RNF20: variants seen among roughly 807,000 people sequenced by gnomAD.
RNF20 encodes the protein E3 ubiquitin-protein ligase BRE1A.
RNF20 carries 84 observed loss-of-function variants against 126.2 expected under a neutral mutation model. That is an observed-to-expected ratio of 0.67 (90% CI 0.56 to 0.80). The LOEUF is 0.80. Among genes scored for constraint, RNF20 ranks in the 30% least tolerant of loss-of-function variants. The pLI, the probability that RNF20 is intolerant of heterozygous loss-of-function variation, is 0.00. For missense variants in RNF20, 869 were observed against 1,188.2 expected, an observed-to-expected ratio of 0.73 and a Z score of 3.95; for synonymous variants, 400 against 414.3, an observed-to-expected ratio of 0.97 and a Z score of 0.42.
intron 15 of RNF20, among the ~76,000 whole-genome samples, chr9:101,555,188 A>G (rs921578856): frequency 2.6e-5 from 4 of 151,982 alleles, no homozygotes; most frequent in Admixed American, 1.3e-4. Context: ...AAGACATAAG[A>G]TTTTATATAC....
chr9:101,547,634 C>A, intron 9 of RNF20, 116 bp downstream of exon 9: 2 of 1,193,516 alleles, frequency 1.7e-6, no homozygotes, highest in South Asian at 1.5e-5. Flanking sequence ...AGACAAAATC[C>A]AACATCCTTT....
chr9:101,543,583 AGCGGCACTGTCTAACCCTGCCAGG>A lies in RNF20; in HGVS notation c.629-1167_629-1144del, dbSNP rs1474825016. On this transcript the variant is annotated intron_variant, in intron 5 of 19. Transcript: ENST00000389120. Reference sequence around the variant, plus strand: ...AGGGCGGCACTGTCTAACCTGCCAGAGCGGCACTGTCTAACCCTGCCAGGGCGGCACTGTCTAACCTGCCAGGGC... The same window carrying A: ...AGGGCGGCACTGTCTAACCTGCCAGAGCGGCACTGTCTAACCTGCCAGGGC... Among the ~76,000 whole-genome samples, 259 of 109,742 alleles carry A rather than the reference AGCGGCACTGTCTAACCCTGCCAGG, an allele frequency of 2.4e-3. 2 individuals are homozygous for A. Among genetic ancestry groups the A allele is most frequent in the Admixed American group, 0.017 (189 of 11,044 alleles). 72.0% of individuals were successfully genotyped at this position (109,742 alleles called of 152,430 possible).
chr9:101,559,067 G>T (rs1343185127), intron 16 of RNF20, among the ~76,000 whole-genome samples: 1 of 152,092 alleles, frequency 6.6e-6, no homozygotes, highest in East Asian at 1.9e-4. Context: ...ATCTTGAGTT[G>T]ATTTTTGTAT....
At position 101,554,018 on chromosome 9, in the gene RNF20, A is replaced by G; in HGVS notation, c.1932A>G (p.Lys644=). The change falls in exon 14 of 20, where the codon AAA becomes AAG. Residue 644 remains lysine, a synonymous_variant. Transcript: ENST00000389120. ...KKAQESQKEM[K]LLLDMYRSAP... Reference sequence around the variant, plus strand: ...CACAGGAGAGCCAAAAGGAGATGAAACTATTGCTGGATATGTACCGTTCTG... The same window carrying G: ...CACAGGAGAGCCAAAAGGAGATGAAGCTATTGCTGGATATGTACCGTTCTG... The G allele has an allele frequency of 6.2e-7, 1 of 1,613,362 alleles. No homozygotes were observed. The highest frequency in any genetic ancestry group is 1.1e-5 in the South Asian group (1 of 91,030).
chr9:101,545,963 G>A (rs978596619), intron 6 of RNF20, among the ~76,000 whole-genome samples: 1 of 152,108 alleles, frequency 6.6e-6, no homozygotes, highest in African/African-American at 2.4e-5. Flanking sequence ...TCTCCATCAT[G>A]GTAGTCTCAG....
chr9:101,544,722 A>T lies in RNF20; in HGVS notation c.629-45A>T, dbSNP rs188157983. On this transcript the variant is annotated intron_variant, in intron 5 of 19. Transcript: ENST00000389120. The stretch of plus-strand genomic sequence containing the variant: ...ACTCCGTCTTAAAAAAAAAAAAAAA[A>T]TGACACTCTAGATGCTAAATTAAAG... 5 of 1,291,578 alleles carry T rather than the reference A, an allele frequency of 3.9e-6. No individual in the cohort carries two copies. The South Asian group carries it at 4.9e-5, about 13-fold the overall frequency. 80.0% of individuals were successfully genotyped at this position (1,291,578 alleles called of 1,614,324 possible).
At position 101,544,763 on chromosome 9, in the gene RNF20, C is replaced by G. The variant is rs180711110; in HGVS notation, c.629-4C>G. On this transcript the variant is annotated splice_polypyrimidine_tract_variant and splice_region_variant and intron_variant, in intron 5 of 19. Coordinates refer to ENST00000389120, the MANE Select transcript of RNF20 (RefSeq NM_019592.7). ...TAAATTAAAGTATAGTTCTTCTTCCCCAGATAATCTGATAGTGGAGGAAGC... is the reference window on the plus strand; with the variant it reads ...TAAATTAAAGTATAGTTCTTCTTCCGCAGATAATCTGATAGTGGAGGAAGC... The G allele has an allele frequency of 4.6e-4, 725 of 1,576,042 alleles. 1 individual carries two copies. In the African/African-American group the frequency reaches 8.2e-3, roughly 18 times the overall value.
intron 16 of RNF20, 195 bp from the exon 17 acceptor site, chr9:101,560,605 TC>T (rs1827610072): frequency 4.7e-6 from 2 of 422,098 alleles, no homozygotes; most frequent in Non-Finnish European, 8.2e-6. Flanking sequence ...TACTGAATCT[TC>T]CACAATATTT....
At position 101,540,810 on chromosome 9, in the gene RNF20, G is replaced by C. The variant is rs759342177; in HGVS notation, c.463G>C (p.Ala155Pro). 1 of 1,613,828 alleles carries C rather than the reference G, an allele frequency of 6.2e-7. No individual in the cohort carries two copies. Among genetic ancestry groups the C allele is most frequent in the Admixed American group, 1.7e-5 (1 of 60,018 alleles). The change falls in exon 5 of 20, where the codon GCT becomes CCT. Residue 155 changes from alanine (A) to proline (P), a missense_variant. Physicochemically the swap from Ala to Pro is conservative, Grantham distance 27. Transcript: ENST00000389120. ...DRERGEGQEP[A>P]FSFLATLASS... Reference sequence around the variant, plus strand: ...GTCCTCAGGGGAAGGGCAAGAGCCAGCTTTCTCTTTCCTTGCTACTTTGGC... The same window carrying C: ...GTCCTCAGGGGAAGGGCAAGAGCCACCTTTCTCTTTCCTTGCTACTTTGGC...
Position 101,561,093 on chromosome 9 carries a change from A to G in RNF20, c.2512A>G (p.Met838Val). The G allele has an allele frequency of 1.2e-6, 2 of 1,613,674 alleles. No individual in the cohort carries two copies. Among genetic ancestry groups the G allele is most frequent in the Non-Finnish European group, 8.5e-7 (1 of 1,179,754 alleles). The change falls in exon 18 of 20, where the codon ATG becomes GTG. Residue 838 changes from methionine to valine, a missense_variant. Met to Val is a conservative substitution (Grantham distance 21, BLOSUM62 1). Coordinates refer to ENST00000389120, the MANE Select transcript of RNF20 (RefSeq NM_019592.7). ...QALEMNKRKA[M>V]EAAQLADDLK... ...CTTATTTGTACATCCTACATAGGCA[A>G]TGGAGGCAGCCCAGCTTGCAGATGA...
chr9:101,556,236 A>G (rs1202935476), intron 15 of RNF20, among the ~76,000 whole-genome samples: 2 of 152,174 alleles, frequency 1.3e-5, no homozygotes, highest in Admixed American at 6.5e-5. Context: ...TTTAAAGTAC[A>G]TGTGGAGAAG....
chr9:101,551,483 A>G (rs761635960), intron 10 of RNF20, among the ~76,000 whole-genome samples: 1 of 152,120 alleles, frequency 6.6e-6, no homozygotes, highest in Non-Finnish European at 1.5e-5. Context: ...TAGTTCTCCA[A>G]CTAAATTCTA....
chr9:101,560,007 T>C (rs1827599966), intron 16 of RNF20, among the ~76,000 whole-genome samples: 1 of 152,198 alleles, frequency 6.6e-6, no homozygotes, highest in Admixed American at 6.5e-5. Context: ...TTTCAACTTT[T>C]CCTTGTTCAG....
At chr9:101,560,540 A>G (rs1382426566) in intron 16 of RNF20, 1 of 282,722 alleles carries the variant, frequency 3.5e-6, no homozygotes, top group Non-Finnish European at 6.7e-6. Context: ...ATTAGCATGC[A>G]TTCTCTATTT....
At position 101,560,898 on chromosome 9, in the gene RNF20, C is replaced by T. The variant is rs758578005; in HGVS notation, c.2480C>T (p.Thr827Ile). The change falls in exon 17 of 20, where the codon ACC (threonine) becomes ATC (isoleucine). Residue 827 changes from threonine to isoleucine, a missense_variant. Physicochemically the swap from Thr to Ile is moderately conservative, Grantham distance 89. Around this residue, in one of 8 missense-constraint regions of RNF20, gnomAD observed 150 missense variants for 173.7 expected, o/e 0.86. Transcript: ENST00000389120. ...GTGEKELGLR[T>I]QALEMNKRKA... ...GGGGAGAAAGAGCTGGGTCTTAGGA[C>T]CCAAGCCTTAGAGATGAATAAACGC... 2 of 1,612,688 alleles carry T rather than the reference C, an allele frequency of 1.2e-6. No individual in the cohort carries two copies. The highest frequency in any genetic ancestry group is 2.2e-5 in the South Asian group (2 of 90,784).
At chr9:101,549,401 C>T (rs1653948844) in intron 9 of RNF20, among the ~76,000 whole-genome samples, 2 of 152,164 alleles carry the variant, frequency 1.3e-5, no homozygotes, top group African/African-American at 4.8e-5. Context: ...AATACTTTCA[C>T]TAATTTGCTA....
chr9:101,561,276 G>A (rs367570838), intron 18 of RNF20, 46 bp downstream of exon 18: 88 of 1,588,510 alleles, frequency 5.5e-5, no homozygotes, highest in Non-Finnish European at 7.5e-5. Flanking sequence ...TGTTTTCTGA[G>A]GTCGGAAGTG....
chr9:101,547,314 G>A (rs1827366941), intron 8 of RNF20, 85 bp from the exon 9 acceptor site: 2 of 1,603,342 alleles, frequency 1.2e-6, no homozygotes, highest in Non-Finnish European at 1.7e-6. Flanking sequence ...GGTTTTGCTG[G>A]AATAGCGAAT....
chr9:101,561,487 A>G, intron 18 of RNF20: 1 of 463,808 alleles, frequency 2.2e-6, no homozygotes, highest in East Asian at 4.0e-5. Flanking sequence ...GTAACAGCAT[A>G]GCAGCAGTAG....
Sources: gnomAD v4.1 joint callset for allele counts (sites outside exome capture counted in the v4.1 genomes callset) on GRCh38, gnomAD v4.1.1 for gene constraint, gnomAD v4.1.1 regional missense constraint, MANE v1.5 for transcripts, NCBI Gene and HGNC (gene_info 2026-07-23, HGNC 2026-07-21) for gene names.